IGF1R: variants seen among roughly 807,000 people sequenced by gnomAD.
IGF1R encodes insulin like growth factor 1 receptor, also known as insulin-like growth factor 1 receptor.
IGF1R carries 44 observed loss-of-function variants against 144.6 expected under a neutral mutation model. The ratio of observed to expected loss-of-function variants is 0.30; its 90% CI spans 0.24 to 0.39. The LOEUF (loss-of-function observed/expected upper bound fraction) is 0.39, where lower values mean the gene tolerates loss of function less well. IGF1R is among the 10% of genes least tolerant of loss of function. The probability of loss-of-function intolerance (pLI) is 1.00; values close to 1 mark genes in which losing one functional copy is unlikely to be tolerated. For missense variants in IGF1R, 1,355 were observed against 1,833.7 expected, an observed-to-expected ratio of 0.74 and a Z score of 4.77; for synonymous variants, 795 against 722.8, an observed-to-expected ratio of 1.10 and a Z score of -1.60.
chr15:98,650,525 A>AG (rs1394655769), intron 1 of IGF1R, among the ~76,000 whole-genome samples: 2 of 152,068 alleles, frequency 1.3e-5, no homozygotes, highest in East Asian at 3.9e-4. Flanking sequence ...CGGGGGATGG[A>AG]GGGGTACTAG....
At chr15:98,816,558 T>TG (rs1271802786) in intron 2 of IGF1R, among the ~76,000 whole-genome samples, 1 of 152,220 alleles carries the variant, frequency 6.6e-6, no homozygotes, top group Non-Finnish European at 1.5e-5. Context: ...CTTGAGAAGT[T>TG]GCCTGTAAAT....
chr15:98,877,694 G>A (rs763144791), intron 2 of IGF1R, among the ~76,000 whole-genome samples: 35 of 152,116 alleles, frequency 2.3e-4, no homozygotes, highest in Non-Finnish European at 4.1e-4. Flanking sequence ...CTCAGCACCT[G>A]TGAAGAGGCT....
intron 17 of IGF1R, among the ~76,000 whole-genome samples, chr15:98,938,248 G>C (rs1284430503): frequency 6.6e-6 from 1 of 152,236 alleles, no homozygotes; most frequent in Non-Finnish European, 1.5e-5. Context: ...ATGCTCAGCT[G>C]GTGGCCGGCC....
intron 2 of IGF1R, among the ~76,000 whole-genome samples, chr15:98,884,267 C>T (rs961078568): frequency 7.9e-5 from 12 of 152,160 alleles, no homozygotes; most frequent in Non-Finnish European, 1.0e-4. Context: ...CTGACCACAC[C>T]CCAGGATGTT....
chr15:98,739,459 C>T (rs1377432886), intron 2 of IGF1R, among the ~76,000 whole-genome samples: 1 of 152,036 alleles, frequency 6.6e-6, no homozygotes, highest in African/African-American at 2.4e-5. Context: ...GCAAACTGAT[C>T]AAATGTTATG....
chr15:98,660,494 G>A lies in IGF1R; in HGVS notation c.94+10819G>A, dbSNP rs2052574839. On this transcript the variant is annotated intron_variant, in intron 1 of 20. Coordinates refer to ENST00000650285, the MANE Select transcript of IGF1R (RefSeq NM_000875.5). Reference sequence around the variant, plus strand: ...GAGGTGGCCCAGTGCCTGGTGCATAGGAGGAGCTGAAGAAACGGAAGACTT... The same window carrying A: ...GAGGTGGCCCAGTGCCTGGTGCATAAGAGGAGCTGAAGAAACGGAAGACTT... 3 of 152,202 alleles carry A rather than the reference G, an allele frequency of 2.0e-5. No homozygotes were observed. In the South Asian group the frequency reaches 6.2e-4, roughly 32 times the overall value. 9.4% of individuals were successfully genotyped at this position (152,202 alleles called of 1,614,324 possible).
intron 15 of IGF1R, among the ~76,000 whole-genome samples, chr15:98,931,657 C>T (rs1397605351): frequency 6.6e-6 from 1 of 150,880 alleles, no homozygotes; most frequent in Non-Finnish European, 1.5e-5. Flanking sequence ...GCACACCACA[C>T]TTACAAGAGT....
At chr15:98,749,487 ATTAAT>A (rs1408648731) in intron 2 of IGF1R, among the ~76,000 whole-genome samples, 1 of 152,190 alleles carries the variant, frequency 6.6e-6, no homozygotes, top group Non-Finnish European at 1.5e-5. Flanking sequence ...AGACTAATTG[ATTAAT>A]TTATTAAGCA....
intron 2 of IGF1R, among the ~76,000 whole-genome samples, chr15:98,719,798 TGACTC>T (rs1469556016): frequency 5.9e-5 from 9 of 152,180 alleles, no homozygotes; most frequent in Admixed American, 1.3e-4. Flanking sequence ...ACCCTTGACT[TGACTC>T]GGTCCCACTG....
At chr15:98,896,411 C>A (rs1421593551) in intron 3 of IGF1R, among the ~76,000 whole-genome samples, 1 of 152,222 alleles carries the variant, frequency 6.6e-6, no homozygotes, top group East Asian at 1.9e-4. Flanking sequence ...CAGAACCCCC[C>A]AAGCTTCCTT....
chr15:98,741,825 T>C (rs1439393337), intron 2 of IGF1R, among the ~76,000 whole-genome samples: 2 of 152,250 alleles, frequency 1.3e-5, no homozygotes, highest in Non-Finnish European at 2.9e-5. Context: ...TTTCTCCTCC[T>C]CCATGGGGAT....
At chr15:98,913,711 G>A (rs1034755198) in intron 8 of IGF1R, among the ~76,000 whole-genome samples, 1 of 152,210 alleles carries the variant, frequency 6.6e-6, no homozygotes, top group Non-Finnish European at 1.5e-5. Context: ...TTCCAAAGAG[G>A]TCAACAAAAG....
At chr15:98,907,923 G>A (rs566350656) in intron 5 of IGF1R, among the ~76,000 whole-genome samples, 1 of 152,326 alleles carries the variant, frequency 6.6e-6, no homozygotes, top group South Asian at 2.1e-4. Context: ...GCACCACCTG[G>A]GATTTGTGAT....
At chr15:98,887,305 C>A (rs1453808940) in intron 2 of IGF1R, among the ~76,000 whole-genome samples, 1 of 147,336 alleles carries the variant, frequency 6.8e-6, no homozygotes, top group Non-Finnish European at 1.5e-5. Flanking sequence ...AATATATCTA[C>A]AGGTACTTTG....
At position 98,649,661 on chromosome 15, in the gene IGF1R, C is replaced by A. The variant is rs779890447; in HGVS notation, c.80C>A (p.Pro27Gln). ...CTCTCCGCCGCGCTCTCGCTCTGGC[C>A]GACGAGTGGAGAAAGTGAGTATGTG... is the stretch of plus-strand genomic sequence containing the variant. ...LFLSAALSLW[P>Q]TSGEICGPGI... Residue 27 changes from proline (P) to glutamine (Q), a missense_variant, in exon 1 of 21, where the codon CCG (proline) becomes CAG (glutamine). Around this residue, in one of 7 missense-constraint regions of IGF1R, gnomAD observed 49 missense variants for 34.7 expected, o/e 1.41. Coordinates refer to ENST00000650285, the MANE Select transcript of IGF1R (RefSeq NM_000875.5). 6 of 1,609,946 alleles carry A rather than the reference C, an allele frequency of 3.7e-6. No homozygotes were observed. The highest frequency in any genetic ancestry group is 3.4e-5 in the Admixed American group (2 of 59,522).
chr15:98,859,979 G>A (rs554751858), intron 2 of IGF1R, among the ~76,000 whole-genome samples: 12 of 152,164 alleles, frequency 7.9e-5, no homozygotes, highest in East Asian at 7.7e-4. Flanking sequence ...GCAGTGACGC[G>A]ATCTCGGCTC....
chr15:98,685,259 T>C (rs1315546713), intron 1 of IGF1R, among the ~76,000 whole-genome samples: 1 of 152,156 alleles, frequency 6.6e-6, no homozygotes, highest in African/African-American at 2.4e-5. Context: ...CTGTTGGCTT[T>C]GAAGAAGAAT....
At chr15:98,866,421 G>T (rs1005758732) in intron 2 of IGF1R, among the ~76,000 whole-genome samples, 11 of 152,192 alleles carry the variant, frequency 7.2e-5, no homozygotes, top group African/African-American at 2.7e-4. Flanking sequence ...ATATTAATGC[G>T]GGCCTCTGCA....
chr15:98,949,379 C>CTTTT (rs5814914), intron 20 of IGF1R, among the ~76,000 whole-genome samples: 2 of 135,336 alleles, frequency 1.5e-5, no homozygotes. Context: ...TCTCACTGCA[C>CTTTT]TTTTTTTTTT....
Sources: gnomAD v4.1 joint callset for allele counts (sites outside exome capture counted in the v4.1 genomes callset) on GRCh38, gnomAD v4.1.1 for gene constraint, gnomAD v4.1.1 regional missense constraint, MANE v1.5 for transcripts, NCBI Gene and HGNC (gene_info 2026-07-23, HGNC 2026-07-21) for gene names.